Variants in TAFA1 observed in about 807,000 individuals in gnomAD.
TAFA1 encodes chemokine-like protein TAFA-1.
A neutral mutation model predicts 18.5 loss-of-function variants in TAFA1; 4 were observed. The observed-to-expected ratio is 0.22, with a 90% CI of 0.11 to 0.49. The LOEUF (loss-of-function observed/expected upper bound fraction) is 0.49. Ranked by LOEUF, TAFA1 falls within the 20% of genes least tolerant of loss-of-function variation. TAFA1 has a pLI of 0.98. For synonymous variants in TAFA1, 56 were observed against 55.2 expected (o/e 1.01, Z -0.06); for missense variants, 147 against 169.0 (o/e 0.87, Z 0.72).
intron 2 of TAFA1, among the ~76,000 whole-genome samples, chr3:68,360,627 T>C (rs1448697519): frequency 6.6e-6 from 1 of 151,952 alleles, no homozygotes; most frequent in Non-Finnish European, 1.5e-5. Context: ...ACCATTAATA[T>C]TGCCACAGTT....
intron 2 of TAFA1, among the ~76,000 whole-genome samples, chr3:68,051,404 G>A (rs1330909776): frequency 2.6e-5 from 4 of 152,038 alleles, no homozygotes; most frequent in Admixed American, 2.6e-4. Context: ...GCATGGATTC[G>A]GATCAGTGGT....
intron 3 of TAFA1, among the ~76,000 whole-genome samples, chr3:68,485,793 T>C (rs1166177555): frequency 1.3e-5 from 2 of 152,224 alleles, no homozygotes; most frequent in Non-Finnish European, 2.9e-5. Context: ...TACTAAAATG[T>C]ACATTTTGCT....
chr3:68,145,906 T>C (rs961006001), intron 2 of TAFA1, among the ~76,000 whole-genome samples: 6 of 152,158 alleles, frequency 3.9e-5, no homozygotes, highest in Non-Finnish European at 7.3e-5. Flanking sequence ...ATAGCCTCCA[T>C]TTTGAAACAA....
chr3:68,479,229 C>CAAAAA lies in TAFA1; in HGVS notation c.260-59518_260-59514dup, dbSNP rs764971674. ...CTGGTGACAAAGTGAGACTCCATCTCAAAAAAAAAAAAATATATATATATA... is the reference window on the plus strand; with the variant it reads ...CTGGTGACAAAGTGAGACTCCATCTCAAAAAAAAAAAAAAAAAATATATATATATA... On this transcript the variant is annotated intron_variant, in intron 3 of 4. Coordinates refer to ENST00000478136, the MANE Select transcript of TAFA1 (RefSeq NM_213609.4). Among the ~76,000 whole-genome samples, 497 of 97,466 alleles carry CAAAAA rather than the reference C, an allele frequency of 5.1e-3. 12 individuals carry two copies. Among genetic ancestry groups the CAAAAA allele is most frequent in the African/African-American group, 0.022 (428 of 19,640 alleles). 63.9% of individuals were successfully genotyped at this position (97,466 alleles called of 152,430 possible).
intron 3 of TAFA1, among the ~76,000 whole-genome samples, chr3:68,531,953 C>A (rs2073193993): frequency 6.6e-6 from 1 of 152,102 alleles, no homozygotes; most frequent in Admixed American, 6.5e-5. Flanking sequence ...TGTTAATTAT[C>A]CTTTTTATTA....
chr3:68,343,763 C>T (rs1044020708), intron 2 of TAFA1, among the ~76,000 whole-genome samples: 2 of 152,138 alleles, frequency 1.3e-5, no homozygotes, highest in African/African-American at 4.8e-5. Context: ...AAAAGCTTGA[C>T]CCATATGAAA....
chr3:68,320,962 C>T (rs1220353962), intron 2 of TAFA1, among the ~76,000 whole-genome samples: 1 of 152,144 alleles, frequency 6.6e-6, no homozygotes, highest in Non-Finnish European at 1.5e-5. Context: ...AATATCTCCT[C>T]CAGCAGAACA....
chr3:68,444,608 A>C (rs4855479), intron 3 of TAFA1, among the ~76,000 whole-genome samples: 19,431 of 151,816 alleles, frequency 0.13, 1,585 homozygotes, highest in Non-Finnish European at 0.18. Flanking sequence ...TGTAATATAA[A>C]ATGCTGCTGC....
At chr3:67,997,660 C>A in the TAFA1 span, among the ~76,000 whole-genome samples, 1 of 152,038 alleles carries the variant, frequency 6.6e-6, no homozygotes, top group African/African-American at 2.4e-5. Flanking sequence ...AAAGGCAAAT[C>A]AGATATAAAC....
intron 2 of TAFA1, among the ~76,000 whole-genome samples, chr3:68,165,389 A>C (rs1321447846): frequency 6.6e-6 from 1 of 152,220 alleles, no homozygotes; most frequent in Non-Finnish European, 1.5e-5. Flanking sequence ...TTAGGGTTAC[A>C]CTTTGGTTTT....
intron 2 of TAFA1, among the ~76,000 whole-genome samples, chr3:68,374,732 G>A (rs534116648): frequency 8.5e-5 from 13 of 152,164 alleles, no homozygotes; most frequent in African/African-American, 1.4e-4. Context: ...GATGAAAGTC[G>A]GTTACTTCCA....
chr3:68,007,047 A>G (rs904818580), intron 2 of TAFA1, among the ~76,000 whole-genome samples: 4 of 152,224 alleles, frequency 2.6e-5, no homozygotes, highest in African/African-American at 4.8e-5. Flanking sequence ...ATATTCTGCA[A>G]AAGTTGGAAT....
At chr3:68,325,828 C>T (rs1192345281) in intron 2 of TAFA1, among the ~76,000 whole-genome samples, 1 of 151,896 alleles carries the variant, frequency 6.6e-6, no homozygotes, top group Non-Finnish European at 1.5e-5. Context: ...TCTTCTAAGC[C>T]CCCTTTTTAA....
intron 2 of TAFA1, among the ~76,000 whole-genome samples, chr3:68,177,670 A>G (rs766177120): frequency 2.0e-5 from 3 of 152,254 alleles, no homozygotes; most frequent in East Asian, 1.9e-4. Context: ...AATGGTGAAT[A>G]TAATAGTTAC....
At chr3:68,132,622 AC>A in intron 2 of TAFA1, among the ~76,000 whole-genome samples, 1 of 152,302 alleles carries the variant, frequency 6.6e-6, no homozygotes, top group African/African-American at 2.4e-5. Flanking sequence ...TTCTCTTATG[AC>A]CAGTGATGAT....
At chr3:68,343,253 C>A (rs2069112796) in intron 2 of TAFA1, among the ~76,000 whole-genome samples, 1 of 152,124 alleles carries the variant, frequency 6.6e-6, no homozygotes, top group African/African-American at 2.4e-5. Context: ...TTCAGACCAC[C>A]CATGTATAAA....
At chr3:68,079,509 T>G (rs1170318855) in intron 2 of TAFA1, among the ~76,000 whole-genome samples, 1 of 152,228 alleles carries the variant, frequency 6.6e-6, no homozygotes, top group Non-Finnish European at 1.5e-5. Context: ...TCTGGTATGT[T>G]GTGTCTTTGT....
intron 3 of TAFA1, among the ~76,000 whole-genome samples, chr3:68,441,782 C>T (rs962367937): frequency 1.2e-4 from 19 of 152,120 alleles, no homozygotes; most frequent in Non-Finnish European, 2.5e-4. Flanking sequence ...GAAGAGAAGA[C>T]TAGGGCCTGG....
chr3:68,204,412 G>A (rs2066502680), intron 2 of TAFA1, among the ~76,000 whole-genome samples: 1 of 149,816 alleles, frequency 6.7e-6, no homozygotes, highest in South Asian at 2.2e-4. Flanking sequence ...AGAAAAATTA[G>A]TTTAACCTTC....
Sources: allele counts gnomAD v4.1 joint callset (sites outside exome capture counted in the v4.1 genomes callset), GRCh38; gene constraint gnomAD v4.1.1; transcripts MANE v1.5; gene names NCBI Gene and HGNC (gene_info 2026-07-23, HGNC 2026-07-21).